Variants in WWOX observed in about 807,000 individuals in gnomAD.
The protein encoded by WWOX is WW domain containing oxidoreductase, also known as WW domain-containing oxidoreductase.
WWOX carries 69 observed loss-of-function variants against 46.2 expected under a neutral mutation model. The ratio of observed to expected loss-of-function variants is 1.49; its 90% CI spans 1.23 to 1.82. The LOEUF (loss-of-function observed/expected upper bound fraction) is 1.82, where lower values mean the gene tolerates loss of function less well. WWOX is among the 40% of genes most tolerant of loss of function. The pLI is 0.00. For synonymous variants in WWOX, 359 were observed against 202.6 expected (o/e 1.77, Z -6.56); for missense variants, 919 against 542.6 (o/e 1.69, Z -6.89).
chr16:78,397,506 G>A (rs886420052), intron 6 of WWOX, among the ~76,000 whole-genome samples: 4 of 152,156 alleles, frequency 2.6e-5, no homozygotes, highest in African/African-American at 9.7e-5. Flanking sequence ...TAGCTGGTAC[G>A]CAGTAAGGCT....
At chr16:79,047,948 G>C (rs1322812725) in intron 8 of WWOX, among the ~76,000 whole-genome samples, 3 of 152,028 alleles carry the variant, frequency 2.0e-5, no homozygotes, top group Non-Finnish European at 4.4e-5. Flanking sequence ...AAAATCTCCT[G>C]TCTGCAGAGG....
intron 5 of WWOX, among the ~76,000 whole-genome samples, chr16:78,204,546 C>A (rs749277180): frequency 9.2e-5 from 14 of 152,054 alleles, no homozygotes; most frequent in Non-Finnish European, 2.1e-4. Flanking sequence ...ATCCCCACCT[C>A]CTCATCAACC....
chr16:78,144,450 C>CGTATATATATATATATATATATATAT (rs1555543046), intron 4 of WWOX, among the ~76,000 whole-genome samples: 3 of 24,926 alleles, frequency 1.2e-4, no homozygotes, highest in African/African-American at 3.6e-4. Context: ...TATATATACA[C>CGTATATATATATATATATATATATAT]ATATATATAT....
At chr16:78,256,609 T>C (rs2038139378) in intron 5 of WWOX, among the ~76,000 whole-genome samples, 1 of 151,844 alleles carries the variant, frequency 6.6e-6, no homozygotes, top group Non-Finnish European at 1.5e-5. Flanking sequence ...CTTTGCTAAA[T>C]GGGACTAATG....
intron 5 of WWOX, among the ~76,000 whole-genome samples, chr16:78,221,654 G>A (rs1272175147): frequency 1.3e-5 from 2 of 152,150 alleles, no homozygotes; most frequent in Non-Finnish European, 2.9e-5. Context: ...ATCTGGAACC[G>A]AGGTTGCTAA....
intron 8 of WWOX, among the ~76,000 whole-genome samples, chr16:78,511,070 CCAGGGTGTTTT>C (rs1233989001): frequency 6.6e-6 from 1 of 152,198 alleles, no homozygotes; most frequent in Admixed American, 6.5e-5. Context: ...GTTTATAGTC[CCAGGGTGTTTT>C]CAGAGAGCAA....
At chr16:78,574,765 A>G (rs1377033872) in intron 8 of WWOX, among the ~76,000 whole-genome samples, 2 of 151,168 alleles carry the variant, frequency 1.3e-5, no homozygotes, top group Non-Finnish European at 2.9e-5. Flanking sequence ...CATAGAATAG[A>G]AACAGAGAGT....
intron 1 of WWOX, 129 bp from the exon 2 acceptor site, chr16:78,108,294 C>G: frequency 2.2e-6 from 2 of 925,100 alleles, no homozygotes; most frequent in Non-Finnish European, 3.3e-6. Flanking sequence ...TCACAGTCCT[C>G]TTTCTCCTTC....
At chr16:78,736,525 C>T (rs552393102) in intron 8 of WWOX, among the ~76,000 whole-genome samples, 2 of 152,292 alleles carry the variant, frequency 1.3e-5, no homozygotes, top group African/African-American at 4.8e-5. Flanking sequence ...TCATCAAATT[C>T]ATGAGTATCC....
At chr16:78,617,492 T>A (rs868257521) in intron 8 of WWOX, among the ~76,000 whole-genome samples, 1 of 151,850 alleles carries the variant, frequency 6.6e-6, no homozygotes, top group Non-Finnish European at 1.5e-5. Context: ...CAATGCTCAG[T>A]GCAGTGACTT....
At chr16:78,659,689 C>T (rs1018580111) in intron 8 of WWOX, among the ~76,000 whole-genome samples, 9 of 152,158 alleles carry the variant, frequency 5.9e-5, no homozygotes, top group African/African-American at 2.2e-4. Flanking sequence ...GGAGCCTTTT[C>T]CTTCCCATTT....
chr16:78,806,797 C>T (rs1184163613), intron 8 of WWOX, among the ~76,000 whole-genome samples: 1 of 152,198 alleles, frequency 6.6e-6, no homozygotes, highest in East Asian at 1.9e-4. Flanking sequence ...CCCACCTCTT[C>T]TGGAAGAGAA....
At chr16:78,784,945 C>G (rs1215966410) in intron 8 of WWOX, among the ~76,000 whole-genome samples, 1 of 152,148 alleles carries the variant, frequency 6.6e-6, no homozygotes, top group South Asian at 2.1e-4. Flanking sequence ...CGAGGTGTCC[C>G]TTTTGCAGTT....
chr16:78,950,606 A>G (rs1353851914), intron 8 of WWOX, among the ~76,000 whole-genome samples: 1 of 152,142 alleles, frequency 6.6e-6, no homozygotes, highest in African/African-American at 2.4e-5. Flanking sequence ...ACATAATAAA[A>G]AAGATTGAAC....
At chr16:78,842,403 C>T (rs566468033) in intron 8 of WWOX, among the ~76,000 whole-genome samples, 144 of 151,522 alleles carry the variant, frequency 9.5e-4, no homozygotes, top group Admixed American at 1.9e-3. Context: ...CTCGGGAGGC[C>T]AAGATGGGAG....
intron 5 of WWOX, among the ~76,000 whole-genome samples, chr16:78,383,148 C>T (rs187450304): frequency 4.9e-4 from 75 of 151,708 alleles, no homozygotes; most frequent in African/African-American, 1.8e-3. Flanking sequence ...CCAGGCCCCA[C>T]CTCCAGTATT....
intron 8 of WWOX, among the ~76,000 whole-genome samples, chr16:79,166,455 C>G (rs1189479511): frequency 1.3e-5 from 2 of 152,206 alleles, no homozygotes; most frequent in Admixed American, 1.3e-4. Context: ...CACAGAGCCA[C>G]TGTGTACTTT....
At chr16:79,031,891 T>TCTAG (rs1555514925) in intron 8 of WWOX, among the ~76,000 whole-genome samples, 4 of 68,264 alleles carry the variant, frequency 5.9e-5, no homozygotes, top group African/African-American at 1.2e-4. Flanking sequence ...GATATCTGTA[T>TCTAG]ACAGATATCT....
chr16:79,001,417 C>G (rs952359946), intron 8 of WWOX, among the ~76,000 whole-genome samples: 86 of 152,232 alleles, frequency 5.6e-4, no homozygotes, highest in African/African-American at 1.8e-3. Context: ...GCATGTAACT[C>G]GAGTGTTCTG....
Sources: gnomAD v4.1 joint callset for allele counts (sites outside exome capture counted in the v4.1 genomes callset) on GRCh38, gnomAD v4.1.1 for gene constraint, MANE v1.5 for transcripts, NCBI Gene and HGNC (gene_info 2026-07-23, HGNC 2026-07-21) for gene names.